NAV3: variants seen among roughly 807,000 people sequenced by gnomAD.
NAV3 encodes the protein pore membrane and/or filament interacting like protein 1.
Under a neutral mutation model 244.7 loss-of-function variants are expected in NAV3, and 87 were observed. The ratio of observed to expected loss-of-function variants is 0.36; its 90% CI spans 0.30 to 0.42. The LOEUF is 0.42. Ranked by LOEUF, NAV3 falls within the 20% of genes least tolerant of loss-of-function variation. NAV3 has a pLI of 1.00. For missense variants in NAV3, 2,663 were observed against 2,893.3 expected (o/e 0.92, Z 1.83); for synonymous variants, 1,126 against 1,042.2 (o/e 1.08, Z -1.55).
intron 2 of NAV3, among the ~76,000 whole-genome samples, chr12:77,785,402 T>C (rs1283695109): frequency 1.3e-5 from 2 of 151,946 alleles, no homozygotes; most frequent in Non-Finnish European, 2.9e-5. Context: ...TAAACAGAGA[T>C]TGGGATCCTA....
chr12:78,007,385 T>C lies in NAV3; in HGVS notation c.1847T>C (p.Leu616Pro), dbSNP rs748230226. The stretch of plus-strand genomic sequence containing the variant: ...AGCACAGGAAATGGTGCTGTCCAAC[T>C]CCCTCAACAGCAGCAACATAGCCAC... ...GQSTGNGAVQ[L>P]PQQQQHSHPN... Residue 616 changes from leucine (L) to proline (P), a missense_variant, in exon 8 of 40, where the codon CTC (leucine) becomes CCC (proline). Physicochemically the swap from Leu to Pro is moderately conservative, Grantham distance 98 (BLOSUM62 -3). Around this residue, in one of 6 missense-constraint regions of NAV3, gnomAD observed 1,521 missense variants for 1,497.0 expected, o/e 1.02. Transcript: ENST00000397909. 2 of 1,613,926 alleles carry C rather than the reference T, an allele frequency of 1.2e-6. No homozygotes were observed. Among genetic ancestry groups the C allele is most frequent in the African/African-American group, 2.7e-5 (2 of 74,866 alleles).
At chr12:77,976,269 A>T (rs142737992) in intron 5 of NAV3, among the ~76,000 whole-genome samples, 8 of 152,312 alleles carry the variant, frequency 5.3e-5, no homozygotes, top group Non-Finnish European at 8.8e-5. Flanking sequence ...TAAGGGACAG[A>T]TGGAGCCTAT....
intron 2 of NAV3, among the ~76,000 whole-genome samples, chr12:77,768,846 A>G (rs1433788117): frequency 6.6e-6 from 1 of 152,180 alleles, no homozygotes. Context: ...CACCTCCCCT[A>G]CTGCAGCCAG....
chr12:77,817,779 A>C (rs2136020426), intron 2 of NAV3, among the ~76,000 whole-genome samples: 1 of 152,298 alleles, frequency 6.6e-6, no homozygotes, highest in African/African-American at 2.4e-5. Flanking sequence ...GATAGATGCA[A>C]GCTGTTGGGG....
intron 20 of NAV3, among the ~76,000 whole-genome samples, chr12:78,144,762 T>C (rs1009047935): frequency 4.6e-5 from 7 of 151,122 alleles, no homozygotes; most frequent in Non-Finnish European, 7.4e-5. Flanking sequence ...GATTCTTGAA[T>C]CTTTACCAGC....
chr12:77,735,411 C>G (rs1328891295), intron 2 of NAV3, among the ~76,000 whole-genome samples: 1 of 152,002 alleles, frequency 6.6e-6, no homozygotes, highest in Non-Finnish European at 1.5e-5. Flanking sequence ...GAATGTAGGT[C>G]ACTGCTCACA....
At chr12:78,135,297 G>T (rs1049085443) in intron 18 of NAV3, among the ~76,000 whole-genome samples, 1 of 152,174 alleles carries the variant, frequency 6.6e-6, no homozygotes, top group Non-Finnish European at 1.5e-5. Flanking sequence ...TCTAAAAGCA[G>T]ATCTGTCATA....
chr12:77,858,179 CAA>C (rs1878685425), intron 1 of NAV3, among the ~76,000 whole-genome samples: 1 of 151,936 alleles, frequency 6.6e-6, no homozygotes, highest in South Asian at 2.1e-4. Context: ...TATAATATTT[CAA>C]AAAGTTATCC....
chr12:77,879,019 T>C (rs1222911086), intron 1 of NAV3, among the ~76,000 whole-genome samples: 1 of 152,082 alleles, frequency 6.6e-6, no homozygotes, highest in African/African-American at 2.4e-5. Flanking sequence ...TCCCAGATGG[T>C]CATTTCTTTA....
chr12:78,145,826 G>A (rs940943277), intron 20 of NAV3, among the ~76,000 whole-genome samples: 3 of 152,140 alleles, frequency 2.0e-5, no homozygotes, highest in Admixed American at 1.3e-4. Context: ...GAAAGAAAAA[G>A]TAGAAGTAAA....
At chr12:78,099,710 C>A (rs1189155155) in intron 12 of NAV3, among the ~76,000 whole-genome samples, 1 of 151,782 alleles carries the variant, frequency 6.6e-6, no homozygotes, top group Non-Finnish European at 1.5e-5. Flanking sequence ...ACTACCAAAA[C>A]CAACCATCAT....
chr12:77,880,210 G>A (rs147875505), intron 1 of NAV3, among the ~76,000 whole-genome samples: 51 of 152,192 alleles, frequency 3.4e-4, no homozygotes, highest in Admixed American at 1.1e-3. Flanking sequence ...GTCATGAGTC[G>A]CACAATTCTG....
At chr12:77,948,690 C>CT (rs1210943424) in intron 3 of NAV3, among the ~76,000 whole-genome samples, 1 of 140,470 alleles carries the variant, frequency 7.1e-6, no homozygotes, top group East Asian at 2.3e-4. Context: ...GCCCCCCCAC[C>CT]ACTGCCAAAC....
chr12:78,014,265 T>C (rs1010058544), intron 8 of NAV3, among the ~76,000 whole-genome samples: 17 of 152,076 alleles, frequency 1.1e-4, no homozygotes, highest in African/African-American at 3.4e-4. Context: ...TTGTAGTAAA[T>C]ACCAAGGAAA....
chr12:77,784,892 C>G (rs1870833593), intron 2 of NAV3, among the ~76,000 whole-genome samples: 1 of 152,066 alleles, frequency 6.6e-6, no homozygotes, highest in South Asian at 2.1e-4. Flanking sequence ...CAGATTCAGC[C>G]CTTTGGTTAC....
intron 2 of NAV3, among the ~76,000 whole-genome samples, chr12:77,687,732 G>A (rs1015014553): frequency 5.3e-5 from 8 of 152,000 alleles, no homozygotes; most frequent in African/African-American, 1.4e-4. Context: ...AACTTAGATC[G>A]GTTCCATAAG....
chr12:78,188,968 A>C (rs1958851228), intron 33 of NAV3, among the ~76,000 whole-genome samples, 191 bp downstream of exon 33: 1 of 151,924 alleles, frequency 6.6e-6, no homozygotes, highest in African/African-American at 2.4e-5. Context: ...ACACTAGAAT[A>C]TAAAGAAATT....
At chr12:78,008,041 C>T (rs1045084104) in intron 8 of NAV3, among the ~76,000 whole-genome samples, 1 of 152,122 alleles carries the variant, frequency 6.6e-6, no homozygotes, top group Non-Finnish European at 1.5e-5. Flanking sequence ...AGAGGTCATG[C>T]ATATAACATG....
intron 2 of NAV3, among the ~76,000 whole-genome samples, chr12:77,659,821 G>A (rs1218201025): frequency 6.6e-6 from 1 of 152,146 alleles, no homozygotes; most frequent in Non-Finnish European, 1.5e-5. Flanking sequence ...GGACATGGAT[G>A]AAACTGGAAA....
Sources: gnomAD v4.1 joint callset for allele counts (sites outside exome capture counted in the v4.1 genomes callset) on GRCh38, gnomAD v4.1.1 for gene constraint, gnomAD v4.1.1 regional missense constraint, MANE v1.5 for transcripts, NCBI Gene and HGNC (gene_info 2026-07-23, HGNC 2026-07-21) for gene names.